BEST3: variants seen among roughly 807,000 people sequenced by gnomAD.
BEST3 encodes the protein bestrophin-3.
BEST3 carries 50 observed loss-of-function variants against 47.1 expected under a neutral mutation model. The ratio of observed to expected loss-of-function variants is 1.06; its 90% CI spans 0.85 to 1.34. BEST3 has a LOEUF of 1.34. Among genes scored for constraint, BEST3 ranks in the 40% most tolerant of loss-of-function variants. The pLI, the probability that BEST3 is intolerant of heterozygous loss-of-function variation, is 0.00. For missense variants in BEST3, 765 were observed against 817.0 expected, an observed-to-expected ratio of 0.94 and a Z score of 0.78; for synonymous variants, 282 against 298.8, an observed-to-expected ratio of 0.94 and a Z score of 0.58.
chr12:69,669,425 G>A lies in BEST3; in HGVS notation c.1100+2003C>T, dbSNP rs114175415. On this transcript the variant is annotated intron_variant, in intron 9 of 9. Transcript: ENST00000330891. ...TGTCTGTTCCTCTCTCCATCCTGCTGGTAAATAGGCCATTTTAGTTGGAGG... is the reference window on the plus strand; with the variant it reads ...TGTCTGTTCCTCTCTCCATCCTGCTAGTAAATAGGCCATTTTAGTTGGAGG... Among the ~76,000 whole-genome samples the A allele has an allele frequency of 3.3e-3, 508 of 152,236 alleles. 6 individuals carry two copies. The highest frequency in any genetic ancestry group is 0.011 in the African/African-American group (477 of 41,542).
downstream of BEST3, among the ~76,000 whole-genome samples, chr12:69,651,618 CA>C (rs902338811): frequency 3.3e-5 from 5 of 151,470 alleles, no homozygotes; most frequent in African/African-American, 1.2e-4. Context: ...ACTAAAAATA[CA>C]AAAAAATTAG....
At chr12:69,678,522 A>T (rs1264433826) in intron 5 of BEST3, among the ~76,000 whole-genome samples, 1 of 152,152 alleles carries the variant, frequency 6.6e-6, no homozygotes, top group African/African-American at 2.4e-5. Flanking sequence ...ATTCTGTTTA[A>T]AACGCAGCTT....
rs550257265 is a variant in BEST3 at position 69,675,992 on chromosome 12, C to T, written c.867+924G>A. On this transcript the variant is annotated intron_variant, in intron 7 of 9. Transcript: ENST00000330891. Reference sequence around the variant, plus strand: ...TGAATGAACTTAATGAAGCCATTGTCATTGATTTTTTTTCTATCACATACT... The same window carrying T: ...TGAATGAACTTAATGAAGCCATTGTTATTGATTTTTTTTCTATCACATACT... 2.0e-5 allele frequency among the ~76,000 whole-genome samples: 3 copies of T among 152,262 alleles called. No homozygotes were observed. The East Asian group carries it at 5.8e-4, about 29-fold the overall frequency.
chr12:69,658,603 T>G (rs1883661708), intron 9 of BEST3, among the ~76,000 whole-genome samples: 1 of 152,198 alleles, frequency 6.6e-6, no homozygotes, highest in Non-Finnish European at 1.5e-5. Flanking sequence ...CCTTTTAAAT[T>G]ATCACTTAAA....
At chr12:69,685,639 A>C (rs1885535306) in intron 4 of BEST3, among the ~76,000 whole-genome samples, 1 of 152,194 alleles carries the variant, frequency 6.6e-6, no homozygotes, top group South Asian at 2.1e-4. Flanking sequence ...TCATTTCAGC[A>C]TTCTCAGTCT....
At chr12:69,682,865 C>T (rs754507473) in intron 4 of BEST3, among the ~76,000 whole-genome samples, 1 of 152,214 alleles carries the variant, frequency 6.6e-6, no homozygotes, top group African/African-American at 2.4e-5. Context: ...CTATGTGCCA[C>T]TGTGCCTGGC....
chr12:69,684,678 G>A (rs375169540), intron 4 of BEST3: 50 of 568,338 alleles, frequency 8.8e-5, no homozygotes, highest in East Asian at 3.5e-4. Context: ...CAGGAAGAGT[G>A]CAACGTGCCT....
rs11177781 is a variant in BEST3, at chr12:69,661,337, C to A, written c.1101-5524G>T. The A allele has an allele frequency of 3.9e-5, 6 of 152,120 alleles. No individual in the cohort carries two copies. In the East Asian group the frequency reaches 5.8e-4, roughly 15 times the overall value. 9.4% of individuals were successfully genotyped at this position (152,120 alleles called of 1,614,324 possible). A position where few individuals can be genotyped will look rare whatever the true frequency, so the allele number is the denominator to read the frequency against. On this transcript the variant is annotated intron_variant, in intron 9 of 9. Transcript: ENST00000330891. ...CAATTTTAATTCGAATAATAAGAGG[C>A]CTTTTTAACAGAATTGAAATGAGGA... is the stretch of plus-strand genomic sequence containing the variant.
At chr12:69,691,524 G>A (rs767885068) in intron 4 of BEST3, among the ~76,000 whole-genome samples, 2 of 152,184 alleles carry the variant, frequency 1.3e-5, no homozygotes, top group African/African-American at 2.4e-5. Context: ...GCCAGGCATG[G>A]TGGTTCACGC....
rs1304843143 is a variant in BEST3, at chr12:69,676,908, C to T, written c.867+8G>A. 1.2e-6 allele frequency: 2 copies of T among 1,612,824 alleles called. No homozygotes were observed. The highest frequency in any genetic ancestry group is 1.3e-5 in the African/African-American group (1 of 74,900). ...ATTACAAAGTGGGGCCCTGAGACCA[C>T]TGGCTACCTTAAGCCATCCTGCATA... On this transcript the variant is annotated splice_region_variant and intron_variant, in intron 7 of 9. Coordinates refer to ENST00000330891, the MANE Select transcript of BEST3 (RefSeq NM_032735.3).
At chr12:69,645,421 C>T (rs938192072) in intron 9 of BEST3, among the ~76,000 whole-genome samples, 3 of 152,166 alleles carry the variant, frequency 2.0e-5, no homozygotes, top group African/African-American at 7.2e-5. Flanking sequence ...CAGTAACTGC[C>T]ACCTAATAGG....
chr12:69,686,779 C>CAAAAAAAAAAAAAAA (rs71094728), intron 4 of BEST3, among the ~76,000 whole-genome samples: 75 of 99,302 alleles, frequency 7.6e-4, no homozygotes, highest in African/African-American at 1.0e-3. Context: ...CTCAAAAAAA[C>CAAAAAAAAAAAAAAA]AAAAAAAAAA....
chr12:69,692,074 A>G (rs1481509322), intron 4 of BEST3, among the ~76,000 whole-genome samples: 1 of 152,182 alleles, frequency 6.6e-6, no homozygotes, highest in Non-Finnish European at 1.5e-5. Context: ...CTCAAACTGG[A>G]GTTCTTTCTT....
chr12:69,666,161 A>G (rs1425957468), intron 9 of BEST3, among the ~76,000 whole-genome samples: 1 of 152,120 alleles, frequency 6.6e-6, no homozygotes, highest in Non-Finnish European at 1.5e-5. Flanking sequence ...CTGGGACTAC[A>G]GGTGTGCACC....
In BEST3 at chr12:69,676,904, A is replaced by G; in HGVS notation, c.867+12T>C. The G allele has an allele frequency of 6.2e-7, 1 of 1,612,560 alleles. No individual in the cohort carries two copies. Among genetic ancestry groups the G allele is most frequent in the Non-Finnish European group, 8.5e-7 (1 of 1,179,248 alleles). On this transcript the variant is annotated intron_variant, in intron 7 of 9. Coordinates refer to ENST00000330891, the MANE Select transcript of BEST3 (RefSeq NM_032735.3). ...ACACATTACAAAGTGGGGCCCTGAG[A>G]CCACTGGCTACCTTAAGCCATCCTG...
chr12:69,671,358 T>A (rs75582268), intron 9 of BEST3, 70 bp downstream of exon 9: 34 of 1,168,454 alleles, frequency 2.9e-5, no homozygotes, highest in African/African-American at 7.7e-5. Context: ...TTTTTTTTTT[T>A]TATAGAGACA....
Position 69,653,761 on chromosome 12 carries a change from A to G in BEST3, c.*1146T>C, listed in dbSNP as rs1051966555. ...AGAGCTCCCTGGGAGGAGTACCAAC[A>G]TCCGATCCCCATTATGCAGCTCTGG... On this transcript the variant is annotated 3_prime_UTR_variant, in exon 10 of 10. Transcript: ENST00000330891. 4.1e-5 allele frequency: 40 copies of G among 985,268 alleles called. No individual in the cohort carries two copies. The African/African-American group carries it at 6.6e-4, about 16-fold the overall frequency. The allele number at this position is 985,268 out of a possible 1,614,324, so 61.0% of individuals were successfully genotyped here.
chr12:69,669,054 A>T (rs1884405123), intron 9 of BEST3, among the ~76,000 whole-genome samples: 1 of 152,162 alleles, frequency 6.6e-6, no homozygotes, highest in Admixed American at 6.5e-5. Flanking sequence ...GTGACACCCA[A>T]AGCTAGGCTC....
rs1885818604 is a variant in BEST3, at chr12:69,689,347, A to T, written c.481+4327T>A. The T allele has an allele frequency of 5.3e-6, 4 of 753,894 alleles. No homozygotes were observed. The South Asian group carries it at 2.4e-4, about 45-fold the overall frequency. The allele number at this position is 753,894 out of a possible 1,614,324, so 46.7% of individuals were successfully genotyped here. A position where few individuals can be genotyped will look rare whatever the true frequency, so the allele number is the denominator to read the frequency against. ...CAGCGGGTGCCGGCCTGGGGCAGCC[A>T]GGAAGACAGGCCTCCGAAGCGTCTC... On this transcript the variant is annotated intron_variant, in intron 4 of 9. Coordinates refer to ENST00000330891, the MANE Select transcript of BEST3 (RefSeq NM_032735.3).
Sources: gnomAD v4.1 joint callset for allele counts (sites outside exome capture counted in the v4.1 genomes callset) on GRCh38, gnomAD v4.1.1 for gene constraint, MANE v1.5 for transcripts, NCBI Gene and HGNC (gene_info 2026-07-23, HGNC 2026-07-21) for gene names.